The following TMEM116 variants were observed in gnomAD, a reference collection of about 807,000 sequenced individuals.
The protein encoded by TMEM116 is transmembrane protein 116.
In TMEM116, 38 loss-of-function variants were observed where a neutral mutation model predicts 44.3. The observed-to-expected ratio is 0.86, with a 90% CI of 0.66 to 1.12. The LOEUF (loss-of-function observed/expected upper bound fraction) is 1.12, where lower values mean the gene tolerates loss of function less well. TMEM116 is among the 50% of genes most tolerant of loss of function. The probability of loss-of-function intolerance (pLI) is 0.00; values close to 1 mark genes in which losing one functional copy is unlikely to be tolerated. For synonymous variants in TMEM116, 132 were observed against 144.8 expected, an observed-to-expected ratio of 0.91 and a Z score of 0.64; for missense variants, 354 against 401.7, an observed-to-expected ratio of 0.88 and a Z score of 1.01.
At chr12:111,981,635 T>TG (rs2075947643) in intron 4 of TMEM116, among the ~76,000 whole-genome samples, 1 of 152,122 alleles carries the variant, frequency 6.6e-6, no homozygotes. Flanking sequence ...CACAGCCTTC[T>TG]GGGGCAAGGG....
chr12:112,006,190 A>G lies in TMEM116; in HGVS notation c.-33-887T>C, dbSNP rs549706708. ...AAAGCCAAGCAGAAAGAACAAAAAC[A>G]GAAAGACCAGGTAACAGGGAAACAA... is the stretch of plus-strand genomic sequence containing the variant. On this transcript the variant is annotated intron_variant, in intron 1 of 10. Transcript: ENST00000552374. 4.6e-5 allele frequency: 7 copies of G among 153,204 alleles called. No individual in the cohort carries two copies. In the South Asian group the frequency reaches 6.2e-4, roughly 14 times the overall value. 9.5% of individuals were successfully genotyped at this position (153,204 alleles called of 1,614,324 possible).
intron 4 of TMEM116, among the ~76,000 whole-genome samples, chr12:111,963,184 G>T (rs2074724736): frequency 6.6e-6 from 1 of 152,170 alleles, no homozygotes; most frequent in Non-Finnish European, 1.5e-5. Context: ...AGGATGTGGA[G>T]AAATAGGAAC....
chr12:112,011,559 T>C (rs2077837705), intron 1 of TMEM116: 2 of 152,262 alleles, frequency 1.3e-5, no homozygotes, highest in East Asian at 1.9e-4. Context: ...CTTTAAAAGT[T>C]TGTCAATTCC....
rs116896759 is a variant in TMEM116 at position 111,998,273 on chromosome 12, C to T, written c.78+5527G>A. On this transcript the variant is annotated intron_variant, in intron 3 of 10. Transcript: ENST00000552374. ...GAGACAGGGCAAGTCATTTTGGCAA[C>T]TACAAGATCAAACTGGTCTCAGGGT... 3.0e-3 allele frequency among the ~76,000 whole-genome samples: 458 copies of T among 152,278 alleles called. 1 individual carries two copies. Among genetic ancestry groups the T allele is most frequent in the Non-Finnish European group, 4.7e-3 (319 of 68,014 alleles).
intron 4 of TMEM116, among the ~76,000 whole-genome samples, chr12:111,956,232 C>T (rs1476098815): frequency 1.3e-5 from 2 of 152,168 alleles, no homozygotes; most frequent in Non-Finnish European, 2.9e-5. Context: ...TCAATAACTG[C>T]AGCCACATAA....
chr12:111,998,658 A>T (rs1011581432), intron 3 of TMEM116, among the ~76,000 whole-genome samples: 1 of 152,164 alleles, frequency 6.6e-6, no homozygotes, highest in Non-Finnish European at 1.5e-5. Context: ...GTCTCTACTA[A>T]AAATACAAAA....
intron 4 of TMEM116, among the ~76,000 whole-genome samples, chr12:111,972,921 C>T (rs1192177486): frequency 1.3e-5 from 2 of 151,308 alleles, no homozygotes; most frequent in Non-Finnish European, 2.9e-5. Flanking sequence ...AGATGGATCA[C>T]GAAGTCAGGA....
rs564464052 is a variant in TMEM116, at chr12:111,945,436, A to AT, written c.211-2068dup. 3.3e-5 allele frequency among the ~76,000 whole-genome samples: 5 copies of AT among 150,414 alleles called. No homozygotes were observed. In the South Asian group the frequency reaches 1.1e-3, roughly 32 times the overall value. ...ACCAGGATGTCATTGTATCTGTTAG[A>AT]TTTTTTTTCAGCCCTCATAGCAGAT... On this transcript the variant is annotated intron_variant, in intron 4 of 10. Transcript: ENST00000552374.
intron 4 of TMEM116, among the ~76,000 whole-genome samples, chr12:111,964,136 TA>T (rs556004160): frequency 3.1e-3 from 402 of 131,724 alleles, no homozygotes; most frequent in Admixed American, 3.9e-3. Context: ...AATTTCAGGT[TA>T]AAAAAAAAAA....
chr12:111,986,764 A>G (rs888674956), intron 4 of TMEM116, among the ~76,000 whole-genome samples: 1 of 152,128 alleles, frequency 6.6e-6, no homozygotes, highest in Admixed American at 6.6e-5. Context: ...AGCCATGATC[A>G]TATCACTGCA....
intron 4 of TMEM116, among the ~76,000 whole-genome samples, chr12:111,979,465 T>C (rs2075835395): frequency 6.6e-6 from 1 of 152,104 alleles, no homozygotes; most frequent in South Asian, 2.1e-4. Flanking sequence ...GAAAGCAGAC[T>C]GGTGGGGGAT....
At chr12:111,975,390 A>T (rs989239525) in intron 4 of TMEM116, among the ~76,000 whole-genome samples, 3 of 152,162 alleles carry the variant, frequency 2.0e-5, no homozygotes, top group African/African-American at 7.2e-5. Flanking sequence ...TCGTGGGCTC[A>T]AGCAGTCCTC....
intron 5 of TMEM116, among the ~76,000 whole-genome samples, chr12:111,939,641 T>C (rs1306624454): frequency 2.7e-5 from 4 of 148,694 alleles, no homozygotes; most frequent in African/African-American, 9.9e-5. Flanking sequence ...TCCGCCCATC[T>C]CTACAAAACT....
At chr12:111,994,327 A>C (rs947921761) in intron 3 of TMEM116, among the ~76,000 whole-genome samples, 1 of 152,206 alleles carries the variant, frequency 6.6e-6, no homozygotes, top group African/African-American at 2.4e-5. Context: ...CTTAAGACTT[A>C]TCGTGGGATC....
At position 111,932,602 on chromosome 12, in the gene TMEM116, G is replaced by C. The variant is rs147850807; in HGVS notation, c.791C>G (p.Ala264Gly). 12 of 1,613,924 alleles carry C rather than the reference G, an allele frequency of 7.4e-6. No homozygotes were observed. The highest frequency in any genetic ancestry group is 1.3e-5 in the African/African-American group (1 of 74,930). ...TKPQDTKLHMALYVLQALTAT... is the reference protein window; with the variant it reads ...TKPQDTKLHMGLYVLQALTAT... ...AGGTGTTACCTGGAGAACATAAAGGGCCATGTGAAGCTTGGTGTCCTGTGG... is the reference window on the plus strand; with the variant it reads ...AGGTGTTACCTGGAGAACATAAAGGCCCATGTGAAGCTTGGTGTCCTGTGG... Residue 264 changes from alanine (A) to glycine (G), a missense_variant, in exon 10 of 11, where the codon GCC becomes GGC. By Grantham distance (60) the Ala-to-Gly change is moderately conservative. Transcript: ENST00000552374.
At chr12:111,985,241 G>A (rs932828154) in intron 4 of TMEM116, among the ~76,000 whole-genome samples, 6 of 151,370 alleles carry the variant, frequency 4.0e-5, no homozygotes, top group African/African-American at 1.5e-4. Context: ...TTTGTTTGCA[G>A]ATAACACGAT....
intron 3 of TMEM116, among the ~76,000 whole-genome samples, chr12:111,999,144 A>C (rs1427799152): frequency 6.6e-6 from 1 of 152,168 alleles, no homozygotes; most frequent in African/African-American, 2.4e-5. Context: ...AAGAAAACCC[A>C]AAAAAGCATA....
chr12:112,005,547 G>C (rs190429258), intron 1 of TMEM116: 1 of 466,356 alleles, frequency 2.1e-6, no homozygotes, highest in East Asian at 6.2e-5. Flanking sequence ...TAGAGATGTG[G>C]ATTGAAAAAT....
At chr12:112,012,854 G>C (rs1281513558) in intron 1 of TMEM116, 148 bp downstream of exon 1, 2 of 152,848 alleles carry the variant, frequency 1.3e-5, no homozygotes, top group East Asian at 1.9e-4. Flanking sequence ...GCTCACCTCA[G>C]ATCGGGCCTA....
Sources: gnomAD v4.1 joint callset for allele counts (sites outside exome capture counted in the v4.1 genomes callset) on GRCh38, gnomAD v4.1.1 for gene constraint, MANE v1.5 for transcripts, NCBI Gene and HGNC (gene_info 2026-07-23, HGNC 2026-07-21) for gene names.